Variants in ENOX1 observed in about 807,000 individuals in gnomAD.
ENOX1 encodes ecto-NOX disulfide-thiol exchanger 1, also known as candidate growth-related and time keeping constitutive hydroquinone (NADH) oxidase.
ENOX1 carries 42 observed loss-of-function variants against 82.5 expected under a neutral mutation model. That is an observed-to-expected ratio of 0.51 (90% CI 0.40 to 0.66). The LOEUF is 0.66. ENOX1 is among the 30% of genes least tolerant of loss of function. The pLI, the probability that ENOX1 is intolerant of heterozygous loss-of-function variation, is 0.00. For missense variants in ENOX1, 608 were observed against 811.6 expected (o/e 0.75, Z 3.05); for synonymous variants, 271 against 282.2 (o/e 0.96, Z 0.40).
intron 1 of ENOX1, among the ~76,000 whole-genome samples, chr13:43,695,005 A>G (rs1358633688): frequency 6.6e-6 from 1 of 152,182 alleles, no homozygotes; most frequent in Non-Finnish European, 1.5e-5. Flanking sequence ...GCGACGATAG[A>G]AAACACAAGT....
chr13:43,480,136 AC>A (rs2058453095), intron 3 of ENOX1, among the ~76,000 whole-genome samples: 2 of 151,840 alleles, frequency 1.3e-5, no homozygotes, highest in Admixed American at 1.3e-4. Context: ...ATGGGATTTC[AC>A]CATGTTGGCC....
chr13:43,321,074 A>T lies in ENOX1; in HGVS notation c.1261+1310T>A, dbSNP rs1009130024. On this transcript the variant is annotated intron_variant, in intron 11 of 16. Transcript: ENST00000690772. ...ATATATGGCTTCAGAAAATAGTGGC[A>T]TGGTGCCTACTTGTATGTTAAGCAC... 22 of 456,210 alleles carry T rather than the reference A, an allele frequency of 4.8e-5. 1 individual carries two copies. The highest frequency in any genetic ancestry group is 2.6e-5 in the Non-Finnish European group (6 of 226,970). 28.3% of individuals were successfully genotyped at this position (456,210 alleles called of 1,614,324 possible).
intron 2 of ENOX1, among the ~76,000 whole-genome samples, chr13:43,651,210 T>C (rs2084153089): frequency 6.6e-6 from 1 of 151,762 alleles, no homozygotes. Context: ...CTACTATGAT[T>C]ATTATCTAAA....
At chr13:43,425,124 T>G (rs1216217462) in intron 3 of ENOX1, among the ~76,000 whole-genome samples, 1 of 152,174 alleles carries the variant, frequency 6.6e-6, no homozygotes, top group Non-Finnish European at 1.5e-5. Flanking sequence ...GGAACATACA[T>G]GATTCAGAAG....
At chr13:43,415,006 A>G (rs2054356350) in intron 3 of ENOX1, among the ~76,000 whole-genome samples, 1 of 152,178 alleles carries the variant, frequency 6.6e-6, no homozygotes, top group South Asian at 2.1e-4. Context: ...ACAGTCGTAT[A>G]AAGGGGCATC....
At chr13:43,447,658 T>C (rs1181495460) in intron 3 of ENOX1, among the ~76,000 whole-genome samples, 1 of 152,104 alleles carries the variant, frequency 6.6e-6, no homozygotes, top group Non-Finnish European at 1.5e-5. Context: ...GATGCATACA[T>C]GAAATGTACA....
intron 1 of ENOX1, among the ~76,000 whole-genome samples, chr13:43,694,651 C>G (rs147392696): frequency 2.6e-4 from 40 of 152,228 alleles, no homozygotes; most frequent in East Asian, 1.4e-3. Flanking sequence ...TTTTATAATG[C>G]CACATATGGT....
At chr13:43,577,292 C>T (rs549785894) in intron 2 of ENOX1, among the ~76,000 whole-genome samples, 22 of 152,178 alleles carry the variant, frequency 1.4e-4, no homozygotes, top group Middle Eastern at 6.8e-3. Flanking sequence ...CCACCACACC[C>T]GACTAATTTT....
chr13:43,335,016 C>T (rs2048621207), intron 9 of ENOX1, among the ~76,000 whole-genome samples: 1 of 152,178 alleles, frequency 6.6e-6, no homozygotes, highest in Admixed American at 6.5e-5. Context: ...AAGAAAGTGT[C>T]CATCTGTTTG....
intron 5 of ENOX1, among the ~76,000 whole-genome samples, chr13:43,387,239 T>C (rs1358367097): frequency 6.6e-6 from 1 of 152,158 alleles, no homozygotes; most frequent in Admixed American, 6.5e-5. Flanking sequence ...TACAGGGATG[T>C]AGGAGAGTTA....
chr13:43,706,007 G>T (rs903128745), intron 1 of ENOX1, among the ~76,000 whole-genome samples: 1 of 151,816 alleles, frequency 6.6e-6, no homozygotes, highest in African/African-American at 2.4e-5. Flanking sequence ...AATATTAAGA[G>T]GTCTAGAAAT....
At chr13:43,599,357 C>T (rs1432738177) in intron 2 of ENOX1, among the ~76,000 whole-genome samples, 1 of 152,004 alleles carries the variant, frequency 6.6e-6, no homozygotes, top group East Asian at 1.9e-4. Context: ...CCCCTAAACA[C>T]ACTTGGGAAA....
intron 10 of ENOX1, among the ~76,000 whole-genome samples, chr13:43,324,838 G>T (rs990933968): frequency 4.5e-4 from 69 of 152,178 alleles, no homozygotes; most frequent in Non-Finnish European, 4.1e-4. Context: ...GTGAGAAGTT[G>T]AGGCAGACAT....
intron 1 of ENOX1, among the ~76,000 whole-genome samples, chr13:43,775,504 AGGTCAGTAGACCT>A (rs1400762160): frequency 1.4e-4 from 22 of 152,200 alleles, no homozygotes; most frequent in Admixed American, 1.0e-3. Context: ...CCCAGGCCTC[AGGTCAGTAGACCT>A]GGTGGTGATC....
At chr13:43,695,996 AT>A (rs2086623966) in intron 1 of ENOX1, among the ~76,000 whole-genome samples, 1 of 152,170 alleles carries the variant, frequency 6.6e-6, no homozygotes, top group South Asian at 2.1e-4. Flanking sequence ...TTCTGTTTCT[AT>A]GAATTTGGCT....
At position 43,434,937 on chromosome 13, in the gene ENOX1, G is replaced by GTTTTTTTTTTTTTTTTTTTTT. The variant is rs537775258; in HGVS notation, c.-74-21970_-74-21950dup. Among the ~76,000 whole-genome samples the GTTTTTTTTTTTTTTTTTTTTT allele has an allele frequency of 2.1e-4, 16 of 75,900 alleles. 1 individual carries two copies. Among genetic ancestry groups the GTTTTTTTTTTTTTTTTTTTTT allele is most frequent in the East Asian group, 1.5e-3 (3 of 1,944 alleles). The allele number at this position is 75,900 out of a possible 152,430, so 49.8% of individuals were successfully genotyped here. The stretch of plus-strand genomic sequence containing the variant: ...CGTGTCTTATTATTGTGTGTGTGTG[G>GTTTTTTTTTTTTTTTTTTTTT]TTTTTTTTTTTTTTTTTTTTTTTTT... On this transcript the variant is annotated intron_variant, in intron 3 of 16. Coordinates refer to ENST00000690772, the MANE Select transcript of ENOX1 (RefSeq NM_001347969.2).
In ENOX1 at chr13:43,269,492, A is replaced by G. The variant is rs761621126; in HGVS notation, c.1532T>C (p.Leu511Ser). 2 of 1,613,882 alleles carry G rather than the reference A, an allele frequency of 1.2e-6. No homozygotes were observed. Among genetic ancestry groups the G allele is most frequent in the Non-Finnish European group, 1.7e-6 (2 of 1,179,786 alleles). Residue 511 changes from leucine to serine, a missense_variant, in exon 13 of 17, where the codon TTA (leucine) becomes TCA (serine). Leu to Ser is a moderately radical substitution (Grantham distance 145). Transcript: ENST00000690772. Reference sequence around the variant, plus strand: ...TACTTGTTCCTGCAGGACTTTTAGTAACGCTTGTGTATGGGACTGCTCTTC... The same window carrying G: ...TACTTGTTCCTGCAGGACTTTTAGTGACGCTTGTGTATGGGACTGCTCTTC... ...AKEEQSHTQA[L>S]LKVLQEQLKG... is the part of the protein sequence containing the mutation.
At chr13:43,578,149 A>C (rs2080529175) in intron 2 of ENOX1, among the ~76,000 whole-genome samples, 1 of 152,196 alleles carries the variant, frequency 6.6e-6, no homozygotes, top group African/African-American at 2.4e-5. Flanking sequence ...TCTGGCTTCT[A>C]ATAAAAATAA....
intron 12 of ENOX1, among the ~76,000 whole-genome samples, chr13:43,274,817 C>T (rs1055113971): frequency 6.6e-6 from 1 of 152,154 alleles, no homozygotes; most frequent in African/African-American, 2.4e-5. Flanking sequence ...TATTTCCAGG[C>T]CACTGATTTA....
Sources: gnomAD v4.1 joint callset for allele counts (sites outside exome capture counted in the v4.1 genomes callset) on GRCh38, gnomAD v4.1.1 for gene constraint, MANE v1.5 for transcripts, NCBI Gene and HGNC (gene_info 2026-07-23, HGNC 2026-07-21) for gene names.